The following EXD3 variants were observed in gnomAD, a reference collection of about 807,000 sequenced individuals.
EXD3 encodes exonuclease 3'-5' domain containing 3.
Under a neutral mutation model 98.0 loss-of-function variants are expected in EXD3, and 92 were observed. The ratio of observed to expected loss-of-function variants is 0.94; its 90% CI spans 0.79 to 1.12. EXD3 has a LOEUF of 1.12. Ranked by LOEUF, EXD3 falls within the 50% of genes most tolerant of loss-of-function variation. EXD3 has a pLI of 0.00. For synonymous variants in EXD3, 569 were observed against 526.0 expected (o/e 1.08, Z -1.12); for missense variants, 1,222 against 1,191.6 (o/e 1.03, Z -0.38).
At position 137,406,249 on chromosome 9, in the gene EXD3, A is replaced by AAAAGG. The variant is rs1193861061; in HGVS notation, c.-47-10850_-47-10846dup. On this transcript the variant is annotated intron_variant, in intron 1 of 21. Coordinates refer to ENST00000340951, the MANE Select transcript of EXD3 (RefSeq NM_017820.5). ...AAAAAGAAAAGAAAGAAAAGAAAAG[A>AAAAGG]AAAGGAAAGGAAAAGAAAGAAAATA... is the stretch of plus-strand genomic sequence containing the variant. Among the ~76,000 whole-genome samples the AAAAGG allele has an allele frequency of 3.0e-3, 453 of 151,740 alleles. 4 individuals carry two copies. The highest frequency in any genetic ancestry group is 0.01 in the African/African-American group (420 of 41,346).
At chr9:137,418,241 A>G (rs1838333334) in intron 1 of EXD3, among the ~76,000 whole-genome samples, 1 of 152,140 alleles carries the variant, frequency 6.6e-6, no homozygotes, top group Non-Finnish European at 1.5e-5. Context: ...CAGCTAACTC[A>G]GGAGGCTGAG....
intron 10 of EXD3, chr9:137,353,109 C>G: frequency 8.3e-7 from 1 of 1,206,074 alleles, no homozygotes; most frequent in South Asian, 1.9e-5. Flanking sequence ...CTCCAAGCCT[C>G]CGCTGACCTT....
intron 17 of EXD3, among the ~76,000 whole-genome samples, chr9:137,344,802 A>C (rs537334305): frequency 6.7e-6 from 1 of 149,870 alleles, no homozygotes; most frequent in Non-Finnish European, 1.5e-5. Context: ...TCCTCAGCTG[A>C]ATGTCCAGGT....
At chr9:137,375,615 T>C (rs1388071513) in intron 3 of EXD3, among the ~76,000 whole-genome samples, 1 of 151,930 alleles carries the variant, frequency 6.6e-6, no homozygotes. Context: ...TTATATCTAG[T>C]GAGTCCTAGC....
rs1837567890 is a variant in EXD3, at chr9:137,403,436, A to G, written c.-47-8032T>C. Among the ~76,000 whole-genome samples the G allele has an allele frequency of 6.6e-6, 1 of 151,448 alleles. No individual in the cohort carries two copies. Among genetic ancestry groups the G allele is most frequent in the Non-Finnish European group, 1.5e-5 (1 of 67,890 alleles). ...CCACCCCCAGCCCAGCAGCAGCAGC[A>G]GCCAGCACACCCTGGCCCAGGGTCT... is the stretch of plus-strand genomic sequence containing the variant. On this transcript the variant is annotated intron_variant, in intron 1 of 21. Coordinates refer to ENST00000340951, the MANE Select transcript of EXD3 (RefSeq NM_017820.5). This position sits in a 1 kb window ranked among gnomAD's most constrained non-coding sequence, Gnocchi z 6.1.
chr9:137,328,661 A>AG (rs151221499), intron 17 of EXD3, among the ~76,000 whole-genome samples: 90 of 21,388 alleles, frequency 4.2e-3, no homozygotes, highest in African/African-American at 8.8e-3. Flanking sequence ...ACTACACGGG[A>AG]CTACACGGGA....
At chr9:137,335,958 G>A (rs540325711) in intron 17 of EXD3, among the ~76,000 whole-genome samples, 17 of 152,168 alleles carry the variant, frequency 1.1e-4, no homozygotes, top group Non-Finnish European at 1.3e-4. Context: ...CTACTCAGCC[G>A]TAAAAAAGAA....
intron 19 of EXD3, among the ~76,000 whole-genome samples, chr9:137,318,618 C>G (rs1397816145): frequency 6.6e-6 from 1 of 152,114 alleles, no homozygotes; most frequent in Non-Finnish European, 1.5e-5. Context: ...CGTTCCCCAC[C>G]CCCACCCTGC....
At chr9:137,382,034 G>GCGCGGGGAGGAGGTGAGGA in intron 3 of EXD3, among the ~76,000 whole-genome samples, 1 of 146,788 alleles carries the variant, frequency 6.8e-6, no homozygotes, top group Non-Finnish European at 1.5e-5. Flanking sequence ...GGAGGTGAGG[G>GCGCGGGGAGGAGGTGAGGA]CGCGGGGAGG....
intron 19 of EXD3, among the ~76,000 whole-genome samples, chr9:137,310,610 C>T (rs1445852610): frequency 6.6e-6 from 1 of 152,148 alleles, no homozygotes; most frequent in Non-Finnish European, 1.5e-5. Flanking sequence ...GAGGCTAGGA[C>T]CAGCTTACAC....
At chr9:137,383,710 G>A (rs1018183190) in intron 2 of EXD3, among the ~76,000 whole-genome samples, 5 of 152,224 alleles carry the variant, frequency 3.3e-5, no homozygotes, top group Admixed American at 6.5e-5. Flanking sequence ...TACCTGCTCC[G>A]CCTGGCGCCC....
chr9:137,400,459 G>C (rs1397714398), intron 1 of EXD3, among the ~76,000 whole-genome samples: 2 of 152,182 alleles, frequency 1.3e-5, no homozygotes, highest in African/African-American at 4.8e-5. Flanking sequence ...GGGGGTACAG[G>C]TATTCAGTAC....
At chr9:137,366,765 C>T (rs1205819313) in intron 6 of EXD3, 133 bp from the exon 7 acceptor site, 16 of 1,187,196 alleles carry the variant, frequency 1.3e-5, no homozygotes, top group Non-Finnish European at 1.6e-5. Context: ...CAGCAGTGCT[C>T]GCCCGGCCAG....
At chr9:137,370,275 A>G (rs554929787) in intron 5 of EXD3, among the ~76,000 whole-genome samples, 9 of 152,278 alleles carry the variant, frequency 5.9e-5, no homozygotes, top group Admixed American at 2.0e-4. Context: ...CTTCCCTGAG[A>G]GGACGGTGTA....
chr9:137,355,996 C>T (rs1275241297), intron 8 of EXD3, among the ~76,000 whole-genome samples: 1 of 152,178 alleles, frequency 6.6e-6, no homozygotes, highest in African/African-American at 2.4e-5. Flanking sequence ...CTCAGCTCTG[C>T]AGCCAGGCAG....
intron 20 of EXD3, among the ~76,000 whole-genome samples, chr9:137,309,091 C>T (rs987269766): frequency 1.3e-5 from 2 of 152,118 alleles, no homozygotes; most frequent in African/African-American, 2.4e-5. Flanking sequence ...GGCGGCGGGG[C>T]GGGGGCCATA....
At position 137,352,863 on chromosome 9, in the gene EXD3, A is replaced by G. The variant is rs1164032139; in HGVS notation, c.871-77T>C. ...GGGCCCTGCCCCGAGGGACCCCCGTAGACCCCGACCTTGCAGACTGGCTAT... is the reference window on the plus strand; with the variant it reads ...GGGCCCTGCCCCGAGGGACCCCCGTGGACCCCGACCTTGCAGACTGGCTAT... On this transcript the variant is annotated intron_variant, in intron 10 of 21. Coordinates refer to ENST00000340951, the MANE Select transcript of EXD3 (RefSeq NM_017820.5). 26 of 1,497,652 alleles carry G rather than the reference A, an allele frequency of 1.7e-5. No individual in the cohort carries two copies. The Admixed American group carries it at 2.8e-4, about 16-fold the overall frequency. 92.8% of individuals were successfully genotyped at this position (1,497,652 alleles called of 1,614,324 possible). A position where few individuals can be genotyped will look rare whatever the true frequency, so the allele number is the denominator to read the frequency against.
At chr9:137,397,166 C>T (rs1279645708) in intron 1 of EXD3, among the ~76,000 whole-genome samples, 4 of 152,242 alleles carry the variant, frequency 2.6e-5, no homozygotes, top group Non-Finnish European at 2.9e-5. Context: ...CAACACACAA[C>T]CAGGACCAGA....
At chr9:137,386,561 C>T (rs557837409) in intron 2 of EXD3, among the ~76,000 whole-genome samples, 10 of 152,218 alleles carry the variant, frequency 6.6e-5, no homozygotes, top group African/African-American at 1.9e-4. Context: ...CCGCGCAACA[C>T]GGCACAGCCC....
Sources: allele counts gnomAD v4.1 joint callset (sites outside exome capture counted in the v4.1 genomes callset), GRCh38; gene constraint gnomAD v4.1.1; non-coding constraint Gnocchi (gnomAD v3.1); transcripts MANE v1.5; gene names NCBI Gene and HGNC (gene_info 2026-07-23, HGNC 2026-07-21).